Variants in SHLD1 observed in about 807,000 individuals in gnomAD.
SHLD1 encodes shieldin complex subunit 1.
SHLD1 carries 3 observed loss-of-function variants against 5.5 expected under a neutral mutation model. The observed-to-expected ratio is 0.54, with a 90% CI of 0.25 to 1.40. The LOEUF is 1.40. Among genes scored for constraint, SHLD1 ranks in the 40% most tolerant of loss-of-function variants. The pLI, the probability that SHLD1 is intolerant of heterozygous loss-of-function variation, is 0.15. For missense variants in SHLD1, 210 were observed against 244.4 expected, an observed-to-expected ratio of 0.86 and a Z score of 0.94; for synonymous variants, 92 against 94.3, an observed-to-expected ratio of 0.98 and a Z score of 0.14.
At chr20:5,816,795 C>T (rs2087535541) in intron 2 of SHLD1, among the ~76,000 whole-genome samples, 1 of 152,164 alleles carries the variant, frequency 6.6e-6, no homozygotes, top group Non-Finnish European at 1.5e-5. Flanking sequence ...ATAGGCTGGG[C>T]GCAGTAGCTC....
intron 2 of SHLD1, among the ~76,000 whole-genome samples, chr20:5,830,906 C>T (rs1047662566): frequency 2.0e-5 from 3 of 152,040 alleles, no homozygotes; most frequent in African/African-American, 4.8e-5. Context: ...TGTAACTCAG[C>T]TCCTCTTATT....
chr20:5,803,723 T>G (rs935756870), intron 2 of SHLD1, among the ~76,000 whole-genome samples: 5 of 150,800 alleles, frequency 3.3e-5, no homozygotes, highest in African/African-American at 1.2e-4. Flanking sequence ...AAAAAAAAAA[T>G]TAGCTGGGCG....
intron 2 of SHLD1, among the ~76,000 whole-genome samples, chr20:5,840,876 C>T (rs2087849027): frequency 6.6e-6 from 1 of 151,800 alleles, no homozygotes; most frequent in Admixed American, 6.6e-5. Flanking sequence ...TAAGGTAAGG[C>T]ATTTAAAGTG....
At chr20:5,798,624 T>G (rs1047233089) in intron 2 of SHLD1, among the ~76,000 whole-genome samples, 8 of 147,882 alleles carry the variant, frequency 5.4e-5, no homozygotes, top group Non-Finnish European at 7.5e-5. Flanking sequence ...TTTCTTTTTT[T>G]TTTTTTTTTT....
chr20:5,805,220 C>T (rs1312024589), intron 2 of SHLD1, among the ~76,000 whole-genome samples: 3 of 152,112 alleles, frequency 2.0e-5, no homozygotes, highest in South Asian at 2.1e-4. Flanking sequence ...TGCAGTGGCG[C>T]GATCTCGGCT....
chr20:5,830,025 C>T (rs2087709644), intron 2 of SHLD1, among the ~76,000 whole-genome samples: 1 of 152,152 alleles, frequency 6.6e-6, no homozygotes, highest in Admixed American at 6.5e-5. Context: ...GGACTAAAAG[C>T]AGGCAAAAGC....
intron 1 of SHLD1, among the ~76,000 whole-genome samples, chr20:5,758,054 T>C (rs74436027): frequency 6.6e-6 from 1 of 152,160 alleles, no homozygotes; most frequent in East Asian, 1.9e-4. Context: ...GTCAGGGTAA[T>C]ACAGGATGCA....
intron 1 of SHLD1, among the ~76,000 whole-genome samples, chr20:5,769,952 C>G (rs1313785760): frequency 1.4e-5 from 2 of 141,822 alleles, no homozygotes; most frequent in Non-Finnish European, 3.0e-5. Flanking sequence ...TGCAGTGAGC[C>G]GAGATTGTGC....
intron 2 of SHLD1, among the ~76,000 whole-genome samples, chr20:5,837,456 T>A (rs1022576477): frequency 2.6e-5 from 4 of 151,402 alleles, no homozygotes; most frequent in African/African-American, 7.3e-5. Flanking sequence ...ATGCTCTCCC[T>A]CCCCCCACAC....
In SHLD1 at chr20:5,863,468, T is replaced by G; in HGVS notation, c.*5T>G. On this transcript the variant is annotated 3_prime_UTR_variant, in exon 3 of 3. Coordinates refer to ENST00000303142, the MANE Select transcript of SHLD1 (RefSeq NM_152504.4). Reference sequence around the variant, plus strand: ...AATGTAATGAAAGACCTGTAACTGGTGCCGGGCAGTGTGCAGGGTAGTAAT... The same window carrying G: ...AATGTAATGAAAGACCTGTAACTGGGGCCGGGCAGTGTGCAGGGTAGTAAT... 2 of 1,586,824 alleles carry G rather than the reference T, an allele frequency of 1.3e-6. No homozygotes were observed. Among genetic ancestry groups the G allele is most frequent in the Non-Finnish European group, 1.7e-6 (2 of 1,167,210 alleles).
chr20:5,859,327 CTTTG>C (rs1568535024), intron 2 of SHLD1, among the ~76,000 whole-genome samples: 2 of 152,144 alleles, frequency 1.3e-5, no homozygotes, highest in East Asian at 1.9e-4. Flanking sequence ...ATGGACCATT[CTTTG>C]TTTGTCCTGT....
intron 2 of SHLD1, among the ~76,000 whole-genome samples, chr20:5,851,471 A>G (rs982420400): frequency 2.0e-5 from 3 of 151,884 alleles, no homozygotes; most frequent in African/African-American, 7.3e-5. Flanking sequence ...AGCTTAGGTA[A>G]CAGAGTGAGA....
chr20:5,827,547 C>T (rs2087680757), intron 2 of SHLD1, among the ~76,000 whole-genome samples: 2 of 152,148 alleles, frequency 1.3e-5, no homozygotes, highest in Admixed American at 1.3e-4. Flanking sequence ...CCTGCCTTCA[C>T]CCACAGGCCC....
upstream of SHLD1, chr20:5,750,246 C>A (rs563739498): frequency 6.6e-6 from 1 of 152,268 alleles, no homozygotes; most frequent in South Asian, 2.1e-4. Flanking sequence ...CCCAAAATAG[C>A]CACATGTGGC....
At position 5,759,362 on chromosome 20, in the gene SHLD1, C is replaced by T. The variant is rs572180710; in HGVS notation, c.-5+8883C>T. Among the ~76,000 whole-genome samples the T allele has an allele frequency of 2.3e-4, 35 of 151,734 alleles. No homozygotes were observed. The South Asian group carries it at 3.5e-3, about 15-fold the overall frequency. On this transcript the variant is annotated intron_variant, in intron 1 of 2. Coordinates refer to ENST00000303142, the MANE Select transcript of SHLD1 (RefSeq NM_152504.4). ...GCAACCTCTGCCTCTTGGCTTCAAG[C>T]GATTCTCATGCCTCAGCCTCTCCAG...
At chr20:5,755,685 C>A (rs986770735) in intron 1 of SHLD1, among the ~76,000 whole-genome samples, 1 of 152,088 alleles carries the variant, frequency 6.6e-6, no homozygotes, top group South Asian at 2.1e-4. Context: ...TCAGCCTCCC[C>A]AGTAGCTGGG....
intron 2 of SHLD1, among the ~76,000 whole-genome samples, chr20:5,842,273 T>A (rs1278508696): frequency 2.0e-5 from 3 of 152,220 alleles, no homozygotes; most frequent in Non-Finnish European, 2.9e-5. Flanking sequence ...TCAGATAAAA[T>A]TTCTGTACAT....
chr20:5,852,415 C>CCCTCCCTTCCTTCCTT (rs1204718904), intron 2 of SHLD1, among the ~76,000 whole-genome samples: 14 of 149,980 alleles, frequency 9.3e-5, no homozygotes, highest in Admixed American at 2.7e-4. Context: ...TCCTTTCCCT[C>CCCTCCCTTCCTTCCTT]CCTTCCTTCC....
At chr20:5,820,464 G>T (rs2087594172) in intron 2 of SHLD1, among the ~76,000 whole-genome samples, 1 of 152,226 alleles carries the variant, frequency 6.6e-6, no homozygotes, top group African/African-American at 2.4e-5. Context: ...CCCTGGGGAT[G>T]AAGTGTGAAT....
Sources: allele counts gnomAD v4.1 joint callset (sites outside exome capture counted in the v4.1 genomes callset), GRCh38; gene constraint gnomAD v4.1.1; transcripts MANE v1.5; gene names NCBI Gene and HGNC (gene_info 2026-07-23, HGNC 2026-07-21).